GTF2I: variants seen among roughly 807,000 people sequenced by gnomAD.
GTF2I encodes general transcription factor IIi, also known as general transcription factor II-I.
In GTF2I, 12 loss-of-function variants were observed where a neutral mutation model predicts 67.6. The observed-to-expected ratio is 0.18, with a 90% confidence interval of 0.11 to 0.29. GTF2I has a LOEUF of 0.29. Ranked by LOEUF, GTF2I falls within the 10% of genes least tolerant of loss-of-function variation. GTF2I has a pLI of 1.00. For synonymous variants in GTF2I, 149 were observed against 197.0 expected (o/e 0.76, Z 2.04); for missense variants, 271 against 580.1 (o/e 0.47, Z 5.47).
At chr7:74,658,727 G>GGCCGGCCCGGCGC (rs1804182053) in intron 1 of GTF2I, among the ~76,000 whole-genome samples, 1 of 151,542 alleles carries the variant, frequency 6.6e-6, no homozygotes, top group Admixed American at 6.6e-5. Context: ...CTTTGTCCCG[G>GGCCGGCCCGGCGC]GCCGGCCCGG....
At chr7:74,693,714 C>T (rs587746616) in intron 3 of GTF2I, among the ~76,000 whole-genome samples, 8 of 152,172 alleles carry the variant, frequency 5.3e-5, no homozygotes, top group African/African-American at 1.9e-4. Flanking sequence ...GGTGTGGTGG[C>T]GCGTGCTTGT....
chr7:74,673,398 T>C (rs1272616361), intron 1 of GTF2I, among the ~76,000 whole-genome samples: 1 of 152,038 alleles, frequency 6.6e-6, no homozygotes, highest in African/African-American at 2.4e-5. Context: ...TTGTCTGAGA[T>C]GGAGTTTCTC....
intron 3 of GTF2I, among the ~76,000 whole-genome samples, chr7:74,698,178 A>C (rs1789189685): frequency 6.6e-6 from 1 of 151,936 alleles, no homozygotes; most frequent in African/African-American, 2.4e-5. Flanking sequence ...GATGGTCTCG[A>C]TCTCCTGACC....
intron 1 of GTF2I, among the ~76,000 whole-genome samples, chr7:74,664,536 C>A (rs926296447): frequency 6.6e-6 from 1 of 152,112 alleles, no homozygotes; most frequent in African/African-American, 2.4e-5. Context: ...CAGGTTCAAG[C>A]GATTCTCCTG....
intron 1 of GTF2I, among the ~76,000 whole-genome samples, chr7:74,664,749 T>C (rs1203036087): frequency 6.6e-6 from 1 of 151,488 alleles, no homozygotes; most frequent in African/African-American, 2.4e-5. Context: ...CTATGTAGGA[T>C]TTTTAAAGAA....
chr7:74,716,722 G>A (rs587713397), intron 10 of GTF2I, 172 bp from the exon 11 acceptor site: 2 of 522,130 alleles, frequency 3.8e-6, no homozygotes, highest in East Asian at 5.8e-5. Context: ...TAGAAGCGTT[G>A]TATTCTTTTC....
At chr7:74,703,019 G>A (rs182845711) in intron 6 of GTF2I, among the ~76,000 whole-genome samples, 2 of 152,180 alleles carry the variant, frequency 1.3e-5, no homozygotes, top group South Asian at 2.1e-4. Context: ...TTACAGGCTT[G>A]TGTTATCTTC....
chr7:74,699,023 C>T lies in GTF2I; in HGVS notation c.301C>T (p.Arg101Trp), dbSNP rs782003787. ...AATGAAATCTACAACCCAGGCAAATCGGATGAGTGTAGATGCTGTAGAAAT... is the reference window on the plus strand; with the variant it reads ...AATGAAATCTACAACCCAGGCAAATTGGATGAGTGTAGATGCTGTAGAAAT... The part of the protein sequence containing the change: ...HKMKSTTQAN[R>W]MSVDAVEIET... The change falls in exon 4 of 35, where the codon CGG (arginine) becomes TGG (tryptophan). Residue 101 changes from arginine (R) to tryptophan (W), a missense_variant. This residue lies in a region of GTF2I where 72 missense variants were observed against 87.4 expected (regional missense o/e 0.82). Transcript: ENST00000573035. 2.6e-6 allele frequency: 4 copies of T among 1,544,092 alleles called. No homozygotes were observed. The highest frequency in any genetic ancestry group is 2.6e-5 in the South Asian group (2 of 78,102).
chr7:74,748,513 A>G (rs2131566605), intron 24 of GTF2I, among the ~76,000 whole-genome samples: 1 of 152,218 alleles, frequency 6.6e-6, no homozygotes, highest in South Asian at 2.1e-4. Context: ...TTTGTAGTCA[A>G]CATAAAAGCA....
chr7:74,666,170 C>T (rs1308845961), intron 1 of GTF2I, among the ~76,000 whole-genome samples: 1 of 152,156 alleles, frequency 6.6e-6, no homozygotes, highest in Non-Finnish European at 1.5e-5. Context: ...TTGATGAAAC[C>T]TGAGAATGTA....
intron 1 of GTF2I, among the ~76,000 whole-genome samples, chr7:74,686,813 T>G (rs1340946310): frequency 6.6e-6 from 1 of 152,180 alleles, no homozygotes; most frequent in Non-Finnish European, 1.5e-5. Flanking sequence ...CCGTCTCTAG[T>G]CAGGGACCCT....
chr7:74,719,129 G>A (rs891470241), intron 12 of GTF2I, among the ~76,000 whole-genome samples, 188 bp downstream of exon 12: 15 of 152,196 alleles, frequency 9.9e-5, no homozygotes, highest in African/African-American at 3.6e-4. Context: ...GAATGAGGCC[G>A]TGAGAATTAG....
At chr7:74,660,215 GT>G (rs1804350035) in intron 1 of GTF2I, among the ~76,000 whole-genome samples, 1 of 150,724 alleles carries the variant, frequency 6.6e-6, no homozygotes, top group Non-Finnish European at 1.5e-5. Context: ...TGTTGAGAGG[GT>G]TTCGTTCTAT....
chr7:74,687,410 A>G (rs1787832744), intron 1 of GTF2I: 1 of 166,630 alleles, frequency 6.0e-6, no homozygotes, highest in Non-Finnish European at 1.2e-5. Context: ...TTTAATAGAG[A>G]CAGGGTTTCA....
Position 74,709,216 on chromosome 7 carries a change from C to A in GTF2I, c.686-1816C>A, listed in dbSNP as rs192470283. On this transcript the variant is annotated intron_variant, in intron 8 of 34. Coordinates refer to ENST00000573035, the MANE Select transcript of GTF2I (RefSeq NM_032999.4). ...CCACAGTCTACGTTTCTGCAGCTTA[C>A]CAGACTTTTTTTTGGATTTACCTTT... Among the ~76,000 whole-genome samples the A allele has an allele frequency of 4.6e-5, 7 of 152,210 alleles. No homozygotes were observed. The East Asian group carries it at 1.4e-3, about 29-fold the overall frequency.
At chr7:74,675,253 C>G (rs1173203346) in intron 1 of GTF2I, among the ~76,000 whole-genome samples, 2 of 152,154 alleles carry the variant, frequency 1.3e-5, no homozygotes, top group Non-Finnish European at 1.5e-5. Context: ...TGTCTCTTAA[C>G]TCAGGTTTGT....
chr7:74,745,628 CTAAA>C (rs1196607159), intron 21 of GTF2I, among the ~76,000 whole-genome samples: 54 of 133,494 alleles, frequency 4.0e-4, no homozygotes, highest in African/African-American at 1.4e-3. Context: ...ATTTTAGTGG[CTAAA>C]GAAAGTACAC....
intron 10 of GTF2I, among the ~76,000 whole-genome samples, chr7:74,715,654 A>G (rs968940395): frequency 1.3e-5 from 2 of 152,066 alleles, no homozygotes; most frequent in Non-Finnish European, 1.5e-5. Flanking sequence ...TCAAATATTA[A>G]GATTAAAAAA....
intron 12 of GTF2I, among the ~76,000 whole-genome samples, chr7:74,721,197 A>G (rs1339234943): frequency 1.3e-5 from 2 of 152,100 alleles, no homozygotes; most frequent in African/African-American, 2.4e-5. Context: ...ATGCGCCGCC[A>G]TGCTCGGCTA....
Sources: gnomAD v4.1 joint callset for allele counts (sites outside exome capture counted in the v4.1 genomes callset) on GRCh38, gnomAD v4.1.1 for gene constraint, gnomAD v4.1.1 regional missense constraint, MANE v1.5 for transcripts, NCBI Gene and HGNC (gene_info 2026-07-23, HGNC 2026-07-21) for gene names.